PTPRN2: variants seen among roughly 807,000 people sequenced by gnomAD.
The protein encoded by PTPRN2 is protein tyrosine phosphatase receptor type N2.
A neutral mutation model predicts 118.8 loss-of-function variants in PTPRN2; 74 were observed. That is an observed-to-expected ratio of 0.62 (90% CI 0.52 to 0.76). The LOEUF is 0.76. Among genes scored for constraint, PTPRN2 ranks in the 30% least tolerant of loss-of-function variants. The probability of loss-of-function intolerance (pLI) is 0.00; values close to 1 mark genes in which losing one functional copy is unlikely to be tolerated. For missense variants in PTPRN2, 1,481 were observed against 1,394.4 expected, an observed-to-expected ratio of 1.06 and a Z score of -0.99; for synonymous variants, 641 against 608.0, an observed-to-expected ratio of 1.05 and a Z score of -0.80.
intron 2 of PTPRN2, among the ~76,000 whole-genome samples, chr7:158,320,925 T>C (rs1802960129): frequency 6.6e-6 from 1 of 152,152 alleles, no homozygotes; most frequent in Admixed American, 6.5e-5. Context: ...TAAGGAAATT[T>C]CTAAATACAT....
chr7:157,867,081 C>T (rs1810741811), intron 12 of PTPRN2, among the ~76,000 whole-genome samples: 1 of 66,466 alleles, frequency 1.5e-5, no homozygotes, highest in Non-Finnish European at 2.9e-5. Context: ...TACACGGCCA[C>T]CACCCCGCCC....
intron 10 of PTPRN2, among the ~76,000 whole-genome samples, chr7:158,105,055 C>G (rs1400292721): frequency 6.6e-6 from 1 of 151,318 alleles, no homozygotes; most frequent in South Asian, 2.1e-4. Context: ...CCCAACTCCA[C>G]TCAGCTCTAT....
chr7:158,404,614 AAC>A (rs1280497733), intron 2 of PTPRN2, among the ~76,000 whole-genome samples: 1 of 152,076 alleles, frequency 6.6e-6, no homozygotes, highest in African/African-American at 2.4e-5. Flanking sequence ...CTGTGCCAGA[AAC>A]ACAAGCCAGG....
rs1475013497 is a variant in PTPRN2 at position 158,326,847 on chromosome 7, TCA to T, written c.164-9917_164-9916del. On this transcript the variant is annotated intron_variant, in intron 2 of 22. Coordinates refer to ENST00000389418, the MANE Select transcript of PTPRN2 (RefSeq NM_002847.5). The stretch of plus-strand genomic sequence containing the variant: ...CTCACACATGCTCTCACATGCATTC[TCA>T]CACACATGCTCATTCTCGCATGCAC... 3.9e-3 allele frequency among the ~76,000 whole-genome samples: 386 copies of T among 99,470 alleles called. 11 individuals carry two copies. The highest frequency in any genetic ancestry group is 4.9e-3 in the Non-Finnish European group (242 of 49,158). The allele number at this position is 99,470 out of a possible 152,430, so 65.3% of individuals were successfully genotyped here. A position where few individuals can be genotyped will look rare whatever the true frequency, so the allele number is the denominator to read the frequency against.
intron 12 of PTPRN2, among the ~76,000 whole-genome samples, chr7:157,696,286 A>G (rs754865117): frequency 1.1e-4 from 9 of 84,818 alleles, no homozygotes; most frequent in South Asian, 4.7e-4. Flanking sequence ...TGCATACTGG[A>G]TCTTAGTAGA....
At chr7:157,959,144 C>T (rs890020374) in intron 11 of PTPRN2, among the ~76,000 whole-genome samples, 1 of 152,182 alleles carries the variant, frequency 6.6e-6, no homozygotes, top group African/African-American at 2.4e-5. Context: ...ATAGGCTTTT[C>T]AACAAATGGT....
At position 157,979,043 on chromosome 7, in the gene PTPRN2, C is replaced by T. The variant is rs141212480; in HGVS notation, c.1724-80306G>A. On this transcript the variant is annotated intron_variant, in intron 11 of 22. Coordinates refer to ENST00000389418, the MANE Select transcript of PTPRN2 (RefSeq NM_002847.5). ...ATCCAGAGCTGCATACACCAAGGGC[C>T]GCCCTCCCCCAGGCCTACTGCACCT... 1.5e-3 allele frequency among the ~76,000 whole-genome samples: 232 copies of T among 152,042 alleles called. 2 individuals carry two copies. Among genetic ancestry groups the T allele is most frequent in the African/African-American group, 5.4e-3 (223 of 41,534 alleles).
At chr7:157,644,693 G>C (rs1804921474) in intron 14 of PTPRN2, among the ~76,000 whole-genome samples, 1 of 152,022 alleles carries the variant, frequency 6.6e-6, no homozygotes, top group Non-Finnish European at 1.5e-5. Context: ...TACTCGGAAG[G>C]CTGAGGCAGG....
intron 1 of PTPRN2, among the ~76,000 whole-genome samples, chr7:158,499,630 G>C (rs1236550593): frequency 6.6e-6 from 1 of 152,080 alleles, no homozygotes; most frequent in Non-Finnish European, 1.5e-5. Context: ...AATTAGCTGG[G>C]CATGGTGGTG....
intron 12 of PTPRN2, among the ~76,000 whole-genome samples, chr7:157,827,119 A>T (rs1807227655): frequency 6.6e-6 from 1 of 152,164 alleles, no homozygotes. Context: ...AACCAAGCAG[A>T]CTGGCTATGA....
intron 12 of PTPRN2, among the ~76,000 whole-genome samples, chr7:157,896,999 C>A (rs1032207193): frequency 3.9e-5 from 6 of 152,094 alleles, no homozygotes; most frequent in Non-Finnish European, 7.4e-5. Context: ...CACCTCCCCA[C>A]CCACCACAGC....
intron 2 of PTPRN2, among the ~76,000 whole-genome samples, chr7:158,346,385 T>C (rs139512465): frequency 9.0e-4 from 137 of 152,316 alleles, no homozygotes; most frequent in African/African-American, 3.1e-3. Flanking sequence ...GATCATGCGG[T>C]ATTTGTCTTT....
intron 2 of PTPRN2, among the ~76,000 whole-genome samples, chr7:158,430,674 T>C (rs1460077180): frequency 6.6e-6 from 1 of 152,204 alleles, no homozygotes; most frequent in Non-Finnish European, 1.5e-5. Flanking sequence ...CTCGGTGCCT[T>C]GTGGGGCCGA....
At chr7:158,518,666 G>C (rs1199887163) in intron 1 of PTPRN2, among the ~76,000 whole-genome samples, 1 of 152,162 alleles carries the variant, frequency 6.6e-6, no homozygotes, top group Non-Finnish European at 1.5e-5. Flanking sequence ...CCAAGGCTAA[G>C]GGTCAAACAT....
chr7:158,125,366 C>CT (rs1817565368), intron 9 of PTPRN2, among the ~76,000 whole-genome samples: 4 of 152,054 alleles, frequency 2.6e-5, no homozygotes, highest in Admixed American at 2.0e-4. Flanking sequence ...CCTCGCGTCC[C>CT]TCCCACGGCC....
intron 3 of PTPRN2, among the ~76,000 whole-genome samples, chr7:158,259,309 G>A (rs1244643548): frequency 2.6e-5 from 4 of 152,190 alleles, no homozygotes; most frequent in East Asian, 1.9e-4. Context: ...CGCAGGACAC[G>A]GAGAAGAGCC....
chr7:157,961,852 TC>T (rs1157666586), intron 11 of PTPRN2, among the ~76,000 whole-genome samples: 5 of 152,154 alleles, frequency 3.3e-5, no homozygotes, highest in African/African-American at 1.2e-4. Flanking sequence ...GAGGATGAGT[TC>T]CAGTGGGAAA....
chr7:157,747,248 C>T (rs1262652726), intron 12 of PTPRN2, among the ~76,000 whole-genome samples: 69 of 102,744 alleles, frequency 6.7e-4, no homozygotes, highest in Admixed American at 2.6e-3. Flanking sequence ...CTGAGGCCTG[C>T]GTCTCTGAGC....
intron 2 of PTPRN2, among the ~76,000 whole-genome samples, chr7:158,431,807 C>T (rs1200992475): frequency 6.6e-6 from 1 of 151,930 alleles, no homozygotes; most frequent in Non-Finnish European, 1.5e-5. Context: ...ACCGGGCACA[C>T]ACTGGGCACA....
Sources: allele counts gnomAD v4.1 joint callset (sites outside exome capture counted in the v4.1 genomes callset), GRCh38; gene constraint gnomAD v4.1.1; transcripts MANE v1.5; gene names NCBI Gene and HGNC (gene_info 2026-07-23, HGNC 2026-07-21).